MGME1: variants seen among roughly 807,000 people sequenced by gnomAD.
The protein encoded by MGME1 is mitochondrial genome maintenance exonuclease 1.
A neutral mutation model predicts 33.0 loss-of-function variants in MGME1; 22 were observed. The ratio of observed to expected loss-of-function variants is 0.67; its 90% CI spans 0.48 to 0.95. The LOEUF is 0.95. Ranked by LOEUF, MGME1 falls within the 40% of genes least tolerant of loss-of-function variation. The probability of loss-of-function intolerance (pLI) is 0.00; values close to 1 mark genes in which losing one functional copy is unlikely to be tolerated. For missense variants in MGME1, 383 were observed against 397.8 expected (o/e 0.96, Z 0.32); for synonymous variants, 133 against 144.0 (o/e 0.92, Z 0.55).
At chr20:17,970,485 C>G (rs2035699759) in intron 2 of MGME1, 115 bp downstream of exon 2, 1 of 1,003,294 alleles carries the variant, frequency 1.0e-6, no homozygotes, top group Non-Finnish European at 1.5e-6. Flanking sequence ...AAGGAACTCC[C>G]TTCAGATAGT....
In MGME1 at chr20:17,989,083, T is replaced by C. The variant is rs777010484; in HGVS notation, c.864+785T>C. 2.2e-4 allele frequency among the ~76,000 whole-genome samples: 33 copies of C among 150,780 alleles called. 1 individual carries two copies. Among genetic ancestry groups the C allele is most frequent in the Non-Finnish European group, 1.8e-4 (12 of 67,698 alleles). On this transcript the variant is annotated intron_variant, in intron 4 of 4. Coordinates refer to ENST00000377710, the MANE Select transcript of MGME1 (RefSeq NM_052865.4). ...TAGCCTGGCCGACAGAGCAAAACCC[T>C]GTCTCAAAAATAAATAAATAGGCCA...
chr20:17,975,398 A>C (rs1174677514), intron 2 of MGME1, among the ~76,000 whole-genome samples: 3 of 151,982 alleles, frequency 2.0e-5, no homozygotes, highest in Non-Finnish European at 4.4e-5. Context: ...CTCTACTAAA[A>C]GTAGAAAAAT....
At chr20:17,977,650 G>T (rs919558085) in intron 3 of MGME1, among the ~76,000 whole-genome samples, 2 of 152,148 alleles carry the variant, frequency 1.3e-5, no homozygotes, top group African/African-American at 4.8e-5. Flanking sequence ...TGCAAGAATC[G>T]ATACTATCTT....
intron 3 of MGME1, among the ~76,000 whole-genome samples, chr20:17,980,216 G>C (rs1285743667): frequency 6.6e-6 from 1 of 151,754 alleles, no homozygotes; most frequent in Non-Finnish European, 1.5e-5. Context: ...CATAGAGACG[G>C]GGTTTCACCA....
intron 4 of MGME1, among the ~76,000 whole-genome samples, chr20:17,989,367 C>T (rs569324959): frequency 6.8e-6 from 1 of 147,688 alleles, no homozygotes; most frequent in Non-Finnish European, 1.5e-5. Context: ...GCCTGGGCAA[C>T]AGAGCAAGAC....
intron 4 of MGME1, among the ~76,000 whole-genome samples, chr20:17,989,084 G>C (rs2036226308): frequency 1.3e-5 from 2 of 148,806 alleles, no homozygotes; most frequent in Admixed American, 1.3e-4. Flanking sequence ...GCAAAACCCT[G>C]TCTCAAAAAT....
At position 17,988,165 on chromosome 20, in the gene MGME1, G is replaced by A. The variant is rs2036200972; in HGVS notation, c.732-1G>A. 2 of 1,610,112 alleles carry A rather than the reference G, an allele frequency of 1.2e-6. No individual in the cohort carries two copies. Among genetic ancestry groups the A allele is most frequent in the South Asian group, 1.1e-5 (1 of 90,278 alleles). ...AAAGTCTTCCTGTGGTTTCTCTTTA[G>A]GGGCAAGCTCTGTGTGATTGATTGG... On this transcript the variant is annotated splice_acceptor_variant, in intron 3 of 4. Coordinates refer to ENST00000377710, the MANE Select transcript of MGME1 (RefSeq NM_052865.4). LOFTEE classifies it high-confidence loss of function.
intron 2 of MGME1, among the ~76,000 whole-genome samples, chr20:17,974,658 G>C (rs2035815333): frequency 6.6e-6 from 1 of 151,978 alleles, no homozygotes. Context: ...CCTCCTACAA[G>C]CCATAAATCA....
At chr20:17,968,716 G>C, upstream of MGME1, 1 of 435,836 alleles carries the variant, frequency 2.3e-6, no homozygotes, top group South Asian at 2.5e-5. Context: ...TCCGCTCCAC[G>C]AGGAGGCCGC....
intron 3 of MGME1, among the ~76,000 whole-genome samples, chr20:17,987,672 G>A (rs1367159396): frequency 6.6e-6 from 1 of 152,104 alleles, no homozygotes; most frequent in Admixed American, 6.6e-5. Flanking sequence ...TAACTGTCTA[G>A]AGCTATAGTG....
rs1555792141 is a variant in MGME1 at position 17,990,409 on chromosome 20, T to TCGG, written c.*300_*301insCGG. The TCGG allele has an allele frequency of 1.6e-5, 1 of 64,014 alleles. No homozygotes were observed. Among genetic ancestry groups the TCGG allele is most frequent in the African/African-American group, 9.8e-5 (1 of 10,220 alleles). 4.0% of individuals were successfully genotyped at this position (64,014 alleles called of 1,614,324 possible). A position where few individuals can be genotyped will look rare whatever the true frequency, so the allele number is the denominator to read the frequency against. On this transcript the variant is annotated 3_prime_UTR_variant, in exon 5 of 5. Coordinates refer to ENST00000377710, the MANE Select transcript of MGME1 (RefSeq NM_052865.4). ...GACTCTTGTACTCCCTTGAGGGACA[T>TCGG]TGGGGGGGGGGGGGCGTGGTCCCAG...
Position 17,990,409 on chromosome 20 carries a change from TTG to T in MGME1, c.*301_*302del. Reference sequence around the variant, plus strand: ...GACTCTTGTACTCCCTTGAGGGACATTGGGGGGGGGGGGGCGTGGTCCCAGGC... The same window carrying T: ...GACTCTTGTACTCCCTTGAGGGACATGGGGGGGGGGGGCGTGGTCCCAGGC... On this transcript the variant is annotated 3_prime_UTR_variant, in exon 5 of 5. Transcript: ENST00000377710. 1 of 63,912 alleles carries T rather than the reference TTG, an allele frequency of 1.6e-5. No homozygotes were observed. The highest frequency in any genetic ancestry group is 3.1e-4 in the East Asian group (1 of 3,270). The allele number at this position is 63,912 out of a possible 1,614,324, so 4.0% of individuals were successfully genotyped here. A position where few individuals can be genotyped will look rare whatever the true frequency, so the allele number is the denominator to read the frequency against.
chr20:17,988,000 C>T (rs2036196363), intron 3 of MGME1, among the ~76,000 whole-genome samples, 166 bp from the exon 4 acceptor site: 1 of 151,972 alleles, frequency 6.6e-6, no homozygotes, highest in African/African-American at 2.4e-5. Flanking sequence ...TTAGCCTGGG[C>T]AACATATGAA....
rs1361589967 is a variant in MGME1, at chr20:17,990,423, G to GC, written c.*315dup. The GC allele has an allele frequency of 1.6e-3, 392 of 251,644 alleles. 9 individuals carry two copies. The highest frequency in any genetic ancestry group is 2.9e-3 in the East Asian group (28 of 9,534). 15.6% of individuals were successfully genotyped at this position (251,644 alleles called of 1,614,324 possible). On this transcript the variant is annotated 3_prime_UTR_variant, in exon 5 of 5. Transcript: ENST00000377710. Reference sequence around the variant, plus strand: ...CTTGAGGGACATTGGGGGGGGGGGGGCGTGGTCCCAGGCAGGATGCCCAGT... The same window carrying GC: ...CTTGAGGGACATTGGGGGGGGGGGGGCCGTGGTCCCAGGCAGGATGCCCAGT...
intron 3 of MGME1, among the ~76,000 whole-genome samples, chr20:17,985,471 A>ACT (rs2036132259): frequency 6.6e-6 from 1 of 152,224 alleles, no homozygotes; most frequent in Non-Finnish European, 1.5e-5. Flanking sequence ...AGTAAGCTAA[A>ACT]GTTAATGTAT....
In MGME1 at chr20:17,970,262, CGA is replaced by C; in HGVS notation, c.405_406del (p.Val136ProfsTer30). ...AAGGAATGTGATACCAAGTGTGACC[CGA>C]GTCCTTCAGCAGACCATGACAAAAC... The part of the protein sequence containing the change: ...LQRNVIPSVT[R>X]VLQQTMTKQQ... On this transcript the variant is annotated frameshift_variant, in exon 2 of 5. Coordinates refer to ENST00000377710, the MANE Select transcript of MGME1 (RefSeq NM_052865.4). LOFTEE classifies it high-confidence loss of function. The C allele has an allele frequency of 6.2e-7, 1 of 1,614,180 alleles. No individual in the cohort carries two copies. The highest frequency in any genetic ancestry group is 8.5e-7 in the Non-Finnish European group (1 of 1,180,026).
In MGME1 at chr20:17,970,276, G is replaced by A; in HGVS notation, c.417G>A (p.Gln139=). 6 of 1,614,232 alleles carry A rather than the reference G, an allele frequency of 3.7e-6. No individual in the cohort carries two copies. Among genetic ancestry groups the A allele is most frequent in the Non-Finnish European group, 5.1e-6 (6 of 1,180,038 alleles). The change falls in exon 2 of 5, where the codon CAG becomes CAA. Residue 139 remains glutamine, a synonymous_variant. Coordinates refer to ENST00000377710, the MANE Select transcript of MGME1 (RefSeq NM_052865.4). Reference sequence around the variant, plus strand: ...CAAGTGTGACCCGAGTCCTTCAGCAGACCATGACAAAACAACAGGTTTTCT... The same window carrying A: ...CAAGTGTGACCCGAGTCCTTCAGCAAACCATGACAAAACAACAGGTTTTCT... The part of the protein sequence containing the change: ...VIPSVTRVLQ[Q]TMTKQQVFLL...
intron 2 of MGME1, among the ~76,000 whole-genome samples, chr20:17,971,740 C>T (rs751925395): frequency 5.3e-5 from 8 of 151,660 alleles, no homozygotes; most frequent in Middle Eastern, 3.2e-3. Context: ...TAGATTAGCA[C>T]TCAGCTGTGT....
At chr20:17,969,252 C>T (rs1288781905) in intron 1 of MGME1, 111 bp downstream of exon 1, 5 of 152,348 alleles carry the variant, frequency 3.3e-5, no homozygotes, top group Admixed American at 6.5e-5. Context: ...TCCGCACCCA[C>T]GGCGGAGCGG....
Sources: allele counts gnomAD v4.1 joint callset (sites outside exome capture counted in the v4.1 genomes callset), GRCh38; gene constraint gnomAD v4.1.1; transcripts MANE v1.5; gene names NCBI Gene and HGNC (gene_info 2026-07-23, HGNC 2026-07-21).